Variants in CSGALNACT1 observed in about 807,000 individuals in gnomAD.
The protein encoded by CSGALNACT1 is chondroitin sulfate N-acetylgalactosaminyltransferase 1.
In CSGALNACT1, 52 loss-of-function variants were observed where a neutral mutation model predicts 51.0. The observed-to-expected ratio is 1.02, with a 90% CI of 0.82 to 1.29. CSGALNACT1 has a LOEUF of 1.29. Ranked by LOEUF, CSGALNACT1 falls within the 50% of genes most tolerant of loss-of-function variation. CSGALNACT1 has a pLI of 0.00. For missense variants in CSGALNACT1, 935 were observed against 679.2 expected, an observed-to-expected ratio of 1.38 and a Z score of -4.19; for synonymous variants, 341 against 254.4, an observed-to-expected ratio of 1.34 and a Z score of -3.24.
rs1276429945 is a variant in CSGALNACT1 at position 19,535,548 on chromosome 8, A to G, written c.-296-29418T>C. 2.0e-5 allele frequency among the ~76,000 whole-genome samples: 3 copies of G among 152,358 alleles called. No individual in the cohort carries two copies. The East Asian group carries it at 5.8e-4, about 29-fold the overall frequency. ...TAGTTCAATTAAATGTCCATTAATA[A>G]CAATAAAACTTTGAATATTTAAAAT... On this transcript the variant is annotated intron_variant, in intron 3 of 9. Coordinates refer to ENST00000454498, the Ensembl canonical transcript of CSGALNACT1.
chr8:19,730,124 C>A (rs1302843045), intron 1 of CSGALNACT1, among the ~76,000 whole-genome samples: 2 of 152,190 alleles, frequency 1.3e-5, no homozygotes, highest in Non-Finnish European at 2.9e-5. Flanking sequence ...TCACGACTCT[C>A]ATCTGCCTGA....
intron 4 of CSGALNACT1, among the ~76,000 whole-genome samples, chr8:19,504,491 C>T (rs1420138899): frequency 1.3e-5 from 2 of 152,184 alleles, no homozygotes; most frequent in East Asian, 1.9e-4. Flanking sequence ...GTTAAAAAGA[C>T]ATTAACTTCC....
At chr8:19,663,486 G>A (rs920268089) in intron 1 of CSGALNACT1, among the ~76,000 whole-genome samples, 1 of 151,964 alleles carries the variant, frequency 6.6e-6, no homozygotes, top group African/African-American at 2.4e-5. Context: ...TTTCCCCCTA[G>A]CACGAGAGGT....
At chr8:19,450,706 C>T (rs2153799511) in intron 5 of CSGALNACT1, among the ~76,000 whole-genome samples, 1 of 152,154 alleles carries the variant, frequency 6.6e-6, no homozygotes. Context: ...CACTTGAGGT[C>T]AGGAGTTTGA....
At chr8:19,453,342 T>C (rs1322758241) in intron 5 of CSGALNACT1, among the ~76,000 whole-genome samples, 1 of 152,082 alleles carries the variant, frequency 6.6e-6, no homozygotes, top group South Asian at 2.1e-4. Flanking sequence ...ACAGAAGTAA[T>C]GCATTAGAAA....
intron 3 of CSGALNACT1, among the ~76,000 whole-genome samples, chr8:19,537,455 T>C (rs2084021267): frequency 6.6e-6 from 1 of 152,228 alleles, no homozygotes; most frequent in South Asian, 2.1e-4. Flanking sequence ...AATTGCTTCT[T>C]TCTCCTTTCA....
intron 1 of CSGALNACT1, among the ~76,000 whole-genome samples, chr8:19,712,263 G>A (rs975164918): frequency 4.6e-5 from 7 of 152,038 alleles, no homozygotes; most frequent in African/African-American, 1.4e-4. Context: ...CTGACCTCGT[G>A]ATCCGCCCAC....
intron 3 of CSGALNACT1, among the ~76,000 whole-genome samples, chr8:19,548,712 G>T (rs1321418469): frequency 6.6e-6 from 1 of 152,078 alleles, no homozygotes; most frequent in East Asian, 1.9e-4. Context: ...GCAGCCTTTT[G>T]CCCTCTCCAA....
intron 3 of CSGALNACT1, among the ~76,000 whole-genome samples, chr8:19,564,324 A>T (rs1564069752): frequency 6.6e-6 from 1 of 152,108 alleles, no homozygotes. Flanking sequence ...AACAAAATAA[A>T]AACAGCCACA....
At chr8:19,527,190 G>T (rs1486254318) in intron 3 of CSGALNACT1, among the ~76,000 whole-genome samples, 1 of 152,166 alleles carries the variant, frequency 6.6e-6, no homozygotes, top group Non-Finnish European at 1.5e-5. Flanking sequence ...AGGAACAAAA[G>T]GAACAAAGGG....
intron 3 of CSGALNACT1, among the ~76,000 whole-genome samples, chr8:19,568,828 G>A (rs1198849303): frequency 6.6e-6 from 1 of 152,092 alleles, no homozygotes; most frequent in Non-Finnish European, 1.5e-5. Context: ...TTTAAATGTA[G>A]GTAGAATAGA....
chr8:19,608,557 C>T (rs1159033599), intron 1 of CSGALNACT1, among the ~76,000 whole-genome samples: 1 of 152,246 alleles, frequency 6.6e-6, no homozygotes, highest in African/African-American at 2.4e-5. Context: ...AAGGTCACTA[C>T]ATGCATCTCC....
chr8:19,705,795 A>G (rs574716412), intron 1 of CSGALNACT1, among the ~76,000 whole-genome samples: 2 of 152,306 alleles, frequency 1.3e-5, no homozygotes, highest in East Asian at 1.9e-4. Flanking sequence ...TACATGACAT[A>G]TTATGAATAG....
At chr8:19,483,784 C>T (rs555126863) in intron 4 of CSGALNACT1, among the ~76,000 whole-genome samples, 26 of 152,314 alleles carry the variant, frequency 1.7e-4, no homozygotes, top group Middle Eastern at 3.4e-3. Flanking sequence ...CCATGTCTGA[C>T]GGCAAATAAT....
intron 6 of CSGALNACT1, 45 bp downstream of exon 5, chr8:19,439,785 G>T: frequency 1.4e-6 from 2 of 1,440,998 alleles, no homozygotes; most frequent in Non-Finnish European, 2.0e-6. Context: ...GTGCTTCTGA[G>T]CTCAGTTACC....
chr8:19,729,296 G>C (rs2063562462), intron 1 of CSGALNACT1, among the ~76,000 whole-genome samples: 1 of 152,290 alleles, frequency 6.6e-6, no homozygotes, highest in African/African-American at 2.4e-5. Flanking sequence ...TTGTTTGCTT[G>C]CTTACTTGTT....
At chr8:19,436,561 A>C (rs2060406580) in intron 6 of CSGALNACT1, among the ~76,000 whole-genome samples, 1 of 152,226 alleles carries the variant, frequency 6.6e-6, no homozygotes, top group African/African-American at 2.4e-5. Flanking sequence ...TATCACCTTA[A>C]AAATAATTTA....
intron 3 of CSGALNACT1, among the ~76,000 whole-genome samples, chr8:19,582,450 G>C (rs1015104707): frequency 2.0e-5 from 3 of 152,176 alleles, no homozygotes; most frequent in African/African-American, 7.2e-5. Flanking sequence ...TAAAGAGCCT[G>C]AGAGCACCTA....
chr8:19,660,725 C>T (rs1431003889), intron 1 of CSGALNACT1, among the ~76,000 whole-genome samples: 1 of 152,126 alleles, frequency 6.6e-6, no homozygotes, highest in South Asian at 2.1e-4. Context: ...CCCCATGATC[C>T]CTGATATTAA....
Sources: gnomAD v4.1 joint callset for allele counts (sites outside exome capture counted in the v4.1 genomes callset) on GRCh38, gnomAD v4.1.1 for gene constraint, MANE v1.5 for transcripts, NCBI Gene and HGNC (gene_info 2026-07-23, HGNC 2026-07-21) for gene names.